Variants in GRHL1 observed in about 807,000 individuals in gnomAD.
GRHL1 encodes grainyhead-like protein 1 homolog.
Under a neutral mutation model 75.7 loss-of-function variants are expected in GRHL1, and 38 were observed. The observed-to-expected ratio is 0.50, with a 90% CI of 0.39 to 0.66. The LOEUF is 0.66. Among genes scored for constraint, GRHL1 ranks in the 30% least tolerant of loss-of-function variants. The pLI, the probability that GRHL1 is intolerant of heterozygous loss-of-function variation, is 0.00. For missense variants in GRHL1, 589 were observed against 767.5 expected, an observed-to-expected ratio of 0.77 and a Z score of 2.75; for synonymous variants, 266 against 279.4, an observed-to-expected ratio of 0.95 and a Z score of 0.48.
At chr2:9,972,310 C>T (rs765095691) in intron 8 of GRHL1, among the ~76,000 whole-genome samples, 2 of 151,756 alleles carry the variant, frequency 1.3e-5, no homozygotes, top group African/African-American at 2.4e-5. Context: ...CCCTCCTTCT[C>T]CTAGGTCCTT....
In GRHL1 at chr2:9,964,216, A is replaced by G. The variant is rs1667392808; in HGVS notation, c.904-19A>G. 6 of 1,465,434 alleles carry G rather than the reference A, an allele frequency of 4.1e-6. No individual in the cohort carries two copies. The East Asian group carries it at 1.4e-4, about 33-fold the overall frequency. 90.8% of individuals were successfully genotyped at this position (1,465,434 alleles called of 1,614,324 possible). Reference sequence around the variant, plus strand: ...TCACCCTTTAGTGTCTTTATGTTGTAATGCATTCTCTTTCACAGAGTGTGA... The same window carrying G: ...TCACCCTTTAGTGTCTTTATGTTGTGATGCATTCTCTTTCACAGAGTGTGA... On this transcript the variant is annotated intron_variant, in intron 6 of 15. Transcript: ENST00000324907.
chr2:9,986,915 C>T (rs1253239009), intron 9 of GRHL1, among the ~76,000 whole-genome samples: 2 of 152,002 alleles, frequency 1.3e-5, no homozygotes, highest in Non-Finnish European at 2.9e-5. Context: ...GCCATGTTTC[C>T]CATGCTGGTC....
At chr2:9,966,384 T>G (rs1667496706) in intron 8 of GRHL1, 1 of 149,618 alleles carries the variant, frequency 6.7e-6, no homozygotes, top group African/African-American at 2.5e-5. Context: ...GGCAACAGAG[T>G]GAGACCCTGT....
At chr2:9,957,413 AT>A (rs56139145) in intron 2 of GRHL1, among the ~76,000 whole-genome samples, 28,813 of 142,950 alleles carry the variant, frequency 0.2, 3,662 homozygotes, top group African/African-American at 0.38. Context: ...ATGAAGCAGT[AT>A]TTTTTTTTTT....
At chr2:9,986,426 A>G in intron 9 of GRHL1, 144 bp downstream of exon 9, 1 of 418,134 alleles carries the variant, frequency 2.4e-6, no homozygotes, top group Non-Finnish European at 3.9e-6. Flanking sequence ...TTATTTATTT[A>G]TTTATTGTTG....
intron 15 of GRHL1, among the ~76,000 whole-genome samples, chr2:10,000,075 C>T (rs1669205418): frequency 1.3e-5 from 2 of 152,202 alleles, no homozygotes; most frequent in Admixed American, 6.5e-5. Flanking sequence ...CCTTGAACTC[C>T]TGGGCTCAGG....
rs1668609399 is a variant in GRHL1 at position 9,990,920 on chromosome 2, C to T, written c.1321+173C>T. The stretch of plus-strand genomic sequence containing the variant: ...CTCTTCCTCAGATCAGCAGCAGATG[C>T]CAGCTCAGCGGGAGGGGTTTTCCTG... On this transcript the variant is annotated intron_variant, in intron 10 of 15. Coordinates refer to ENST00000324907, the MANE Select transcript of GRHL1 (RefSeq NM_198182.3). The surrounding 1 kb of genome is among the most constrained non-coding windows in gnomAD (Gnocchi z 4.2). 2 of 527,902 alleles carry T rather than the reference C, an allele frequency of 3.8e-6. No homozygotes were observed. Among genetic ancestry groups the T allele is most frequent in the Admixed American group, 7.4e-5 (2 of 27,120 alleles). The allele number at this position is 527,902 out of a possible 1,614,324, so 32.7% of individuals were successfully genotyped here.
Position 9,961,254 on chromosome 2 carries a change from C to A in GRHL1, c.487C>A (p.Pro163Thr), listed in dbSNP as rs751297268. 9 of 1,614,172 alleles carry A rather than the reference C, an allele frequency of 5.6e-6. No individual in the cohort carries two copies. The Admixed American group carries it at 8.3e-5, about 15-fold the overall frequency. ...CCACTCCATCAAGACAGAAACCCAG[C>A]CACATGGCTTCGCTGTGGGAATCCC... ...PTHSIKTETQ[P>T]HGFAVGIPPA... The change falls in exon 4 of 16, where the codon CCA becomes ACA. Residue 163 changes from proline (P) to threonine (T), a missense_variant. Physicochemically the swap from Pro to Thr is conservative, Grantham distance 38. Around this residue, in one of 5 missense-constraint regions of GRHL1, gnomAD observed 362 missense variants for 461.8 expected, o/e 0.78. Coordinates refer to ENST00000324907, the MANE Select transcript of GRHL1 (RefSeq NM_198182.3).
intron 8 of GRHL1, among the ~76,000 whole-genome samples, chr2:9,971,636 A>G (rs1385935737): frequency 6.6e-6 from 1 of 152,086 alleles, no homozygotes; most frequent in Admixed American, 6.5e-5. Flanking sequence ...AGCAATACAT[A>G]GCTATTAAAA....
At chr2:9,970,772 A>G (rs1215343136) in intron 8 of GRHL1, among the ~76,000 whole-genome samples, 1 of 152,214 alleles carries the variant, frequency 6.6e-6, no homozygotes, top group Non-Finnish European at 1.5e-5. Context: ...ATAATCTATC[A>G]GCTATAAGAA....
chr2:9,991,312 AG>A (rs1426231881), intron 10 of GRHL1, among the ~76,000 whole-genome samples: 1 of 152,102 alleles, frequency 6.6e-6, no homozygotes, highest in Non-Finnish European at 1.5e-5. Flanking sequence ...CTGTGCCTGT[AG>A]GGTTCCATCT....
At chr2:9,988,966 G>A (rs1303746769) in intron 9 of GRHL1, among the ~76,000 whole-genome samples, 2 of 152,102 alleles carry the variant, frequency 1.3e-5, no homozygotes, top group African/African-American at 2.4e-5. Context: ...GGAGGGTGGT[G>A]TTTATCATCA....
chr2:9,979,109 G>A (rs528564047), intron 8 of GRHL1, among the ~76,000 whole-genome samples: 18 of 125,872 alleles, frequency 1.4e-4, no homozygotes, highest in African/African-American at 3.7e-4. Context: ...GCAGTGAGCC[G>A]AGATCGCGCC....
At chr2:9,999,126 A>G (rs1310169174) in intron 15 of GRHL1, 97 bp downstream of exon 15, 4 of 424,690 alleles carry the variant, frequency 9.4e-6, no homozygotes, top group Non-Finnish European at 1.7e-5. Flanking sequence ...ACCCCCCAGC[A>G]CCATGTAACA....
chr2:9,999,866 ATTCT>A (rs1336567873), intron 15 of GRHL1, among the ~76,000 whole-genome samples: 2 of 152,080 alleles, frequency 1.3e-5, no homozygotes, highest in Admixed American at 6.5e-5. Context: ...TTGTTTTTGT[ATTCT>A]TTATTTTTTG....
At chr2:9,957,699 G>A (rs1026639413) in intron 2 of GRHL1, among the ~76,000 whole-genome samples, 10 of 152,160 alleles carry the variant, frequency 6.6e-5, no homozygotes, top group South Asian at 2.1e-4. Flanking sequence ...GTGAGCCACC[G>A]CGCCTGGCCA....
Position 9,991,938 on chromosome 2 carries a change from G to A in GRHL1, c.1322-69G>A. 3 of 1,258,796 alleles carry A rather than the reference G, an allele frequency of 2.4e-6. 1 individual carries two copies. The South Asian group carries it at 4.3e-5, about 18-fold the overall frequency. The allele number at this position is 1,258,796 out of a possible 1,614,324, so 78.0% of individuals were successfully genotyped here. A position where few individuals can be genotyped will look rare whatever the true frequency, so the allele number is the denominator to read the frequency against. On this transcript the variant is annotated intron_variant, in intron 10 of 15. Transcript: ENST00000324907. ...TCTTACTCAGAGGCGAGCACTCTGTGGCCTGCATCCAGTCTGTATGTAATC... is the reference window on the plus strand; with the variant it reads ...TCTTACTCAGAGGCGAGCACTCTGTAGCCTGCATCCAGTCTGTATGTAATC...
At chr2:9,976,425 C>T (rs1026491044) in intron 8 of GRHL1, among the ~76,000 whole-genome samples, 5 of 152,186 alleles carry the variant, frequency 3.3e-5, no homozygotes, top group Admixed American at 6.5e-5. Flanking sequence ...GAGGAAGGCC[C>T]TGGGGTGCCC....
chr2:9,998,799 C>CATATATACGTATATATATGTACACAT (rs1669104340), intron 14 of GRHL1, among the ~76,000 whole-genome samples, 166 bp from the exon 15 acceptor site: 1 of 29,322 alleles, frequency 3.4e-5, no homozygotes, highest in African/African-American at 2.4e-4. Flanking sequence ...TATGTACACA[C>CATATATACGTATATATATGTACACAT]ATATATATAC....
Sources: allele counts gnomAD v4.1 joint callset (sites outside exome capture counted in the v4.1 genomes callset), GRCh38; gene constraint gnomAD v4.1.1; regional missense constraint gnomAD v4.1.1; non-coding constraint Gnocchi (gnomAD v3.1); transcripts MANE v1.5; gene names NCBI Gene and HGNC (gene_info 2026-07-23, HGNC 2026-07-21).